STK33: variants seen among roughly 807,000 people sequenced by gnomAD.
STK33 encodes serine/threonine-protein kinase 33.
In STK33, 52 loss-of-function variants were observed where a neutral mutation model predicts 58.0. The observed-to-expected ratio is 0.90, with a 90% confidence interval of 0.72 to 1.13. The LOEUF (loss-of-function observed/expected upper bound fraction) is 1.13, where lower values mean the gene tolerates loss of function less well. Among genes scored for constraint, STK33 ranks in the 50% most tolerant of loss-of-function variants. STK33 has a pLI of 0.00. For synonymous variants in STK33, 215 were observed against 200.1 expected (o/e 1.07, Z -0.63); for missense variants, 630 against 604.2 (o/e 1.04, Z -0.45).
intron 14 of STK33, among the ~76,000 whole-genome samples, chr11:8,426,503 G>A (rs1468828120): frequency 1.3e-5 from 2 of 152,226 alleles, no homozygotes; most frequent in Admixed American, 1.3e-4. Flanking sequence ...TGGGGGTGGA[G>A]CCCTAGCCAG....
At chr11:8,478,217 T>C (rs1949460984) in intron 2 of STK33, among the ~76,000 whole-genome samples, 1 of 152,200 alleles carries the variant, frequency 6.6e-6, no homozygotes, top group Non-Finnish European at 1.5e-5. Context: ...AATCAAGTAT[T>C]GCAAACTTAT....
Position 8,440,735 on chromosome 11 carries a change from G to A in STK33, c.890C>T (p.Ala297Val). ...GTCACACTGCTGGCTATAGTCGTGG[G>A]CACTGATAACTTCAGGGGCTGCCAA... is the stretch of plus-strand genomic sequence containing the variant. ...PIYMAPEVIS[A>V]HDYSQQCDIW... The change falls in exon 12 of 16, where the codon GCC (alanine) becomes GTC (valine). Residue 297 changes from alanine (A) to valine (V), a missense_variant. By Grantham distance (64) the Ala-to-Val change is moderately conservative. Transcript: ENST00000687296. 6.4e-7 allele frequency: 1 copy of A among 1,568,744 alleles called. No homozygotes were observed. The highest frequency in any genetic ancestry group is 8.7e-7 in the Non-Finnish European group (1 of 1,154,740).
In STK33 at chr11:8,435,530, GA is replaced by G; in HGVS notation, c.1109del (p.Ile370ThrfsTer7). ...QLMKVDPAHR[I>X]TAKELLDNQW... The stretch of plus-strand genomic sequence containing the variant: ...GGTTATCTAGTAGTTCCTTAGCTGT[GA>G]TTCTGTGAGCAGGATCTACTTTCAT... On this transcript the variant is annotated frameshift_variant, in exon 14 of 16. Coordinates refer to ENST00000687296, the MANE Select transcript of STK33 (RefSeq NM_001352389.2). LOFTEE classifies it high-confidence loss of function. The G allele has an allele frequency of 1.3e-6, 2 of 1,521,294 alleles. No homozygotes were observed. Among genetic ancestry groups the G allele is most frequent in the Non-Finnish European group, 1.8e-6 (2 of 1,125,880 alleles). 94.2% of individuals were successfully genotyped at this position (1,521,294 alleles called of 1,614,324 possible). A position where few individuals can be genotyped will look rare whatever the true frequency, so the allele number is the denominator to read the frequency against.
At chr11:8,551,459 T>C (rs767346984) in intron 1 of STK33, among the ~76,000 whole-genome samples, 19 of 152,156 alleles carry the variant, frequency 1.2e-4, no homozygotes, top group Admixed American at 8.5e-4. Context: ...AGACATTTCA[T>C]AGATCTTCAA....
intron 1 of STK33, among the ~76,000 whole-genome samples, chr11:8,544,006 A>AT (rs938534720): frequency 1.2e-4 from 19 of 152,104 alleles, no homozygotes; most frequent in African/African-American, 3.6e-4. Flanking sequence ...ATACTAAATG[A>AT]TTTTTTTCCA....
chr11:8,494,185 A>G (rs890873237), intron 1 of STK33, among the ~76,000 whole-genome samples: 7 of 152,250 alleles, frequency 4.6e-5, no homozygotes, highest in Non-Finnish European at 1.0e-4. Flanking sequence ...ACATGATTGT[A>G]TATTTAGAAA....
At chr11:8,550,351 T>C (rs544807104) in intron 1 of STK33, among the ~76,000 whole-genome samples, 1 of 152,240 alleles carries the variant, frequency 6.6e-6, no homozygotes, top group East Asian at 1.9e-4. Context: ...ACTAATATAT[T>C]GGCCAGGCTG....
intron 14 of STK33, among the ~76,000 whole-genome samples, chr11:8,420,479 A>C (rs1001919820): frequency 1.1e-4 from 16 of 152,194 alleles, no homozygotes; most frequent in Non-Finnish European, 2.1e-4. Flanking sequence ...AAGAATTTCT[A>C]GTGAGAGGTA....
At chr11:8,487,329 G>A (rs1240837972) in intron 1 of STK33, among the ~76,000 whole-genome samples, 2 of 151,018 alleles carry the variant, frequency 1.3e-5, no homozygotes, top group Admixed American at 6.6e-5. Context: ...GGCTGACATA[G>A]GAGGATCACC....
intron 1 of STK33, among the ~76,000 whole-genome samples, chr11:8,565,199 C>T (rs11041992): frequency 0.077 from 11,695 of 152,136 alleles, 982 homozygotes; most frequent in African/African-American, 0.21. Context: ...GAGATGGATT[C>T]GCCACCATCT....
the STK33 span, among the ~76,000 whole-genome samples, chr11:8,355,466 G>A: frequency 6.6e-6 from 1 of 152,248 alleles, no homozygotes; most frequent in Non-Finnish European, 1.5e-5. Flanking sequence ...CCACTGGGTC[G>A]CACAACTGGT....
At chr11:8,440,623 C>T (rs1944619705) in intron 12 of STK33, 55 bp downstream of exon 12, 2 of 1,416,846 alleles carry the variant, frequency 1.4e-6, no homozygotes, top group Admixed American at 2.1e-5. Context: ...CTATATCACT[C>T]TACTGTTAGA....
chr11:8,489,863 G>A (rs1049611385), intron 1 of STK33, among the ~76,000 whole-genome samples: 1 of 152,080 alleles, frequency 6.6e-6, no homozygotes, highest in Non-Finnish European at 1.5e-5. Context: ...GCAGGCAGAA[G>A]AAATAGTAAA....
chr11:8,550,856 C>T (rs10840073), intron 1 of STK33, among the ~76,000 whole-genome samples: 10,859 of 152,194 alleles, frequency 0.071, 437 homozygotes, highest in African/African-American at 0.095. Context: ...CTGTTGCAAC[C>T]CCTGCCTATT....
intron 14 of STK33, among the ~76,000 whole-genome samples, chr11:8,430,739 T>C (rs1326523205): frequency 6.6e-6 from 1 of 152,210 alleles, no homozygotes. Flanking sequence ...GCCAGACTGA[T>C]CCTTGTGTCC....
chr11:8,432,546 G>A (rs1019027902), intron 14 of STK33, among the ~76,000 whole-genome samples: 1 of 152,076 alleles, frequency 6.6e-6, no homozygotes, highest in African/African-American at 2.4e-5. Flanking sequence ...AAATGTACAA[G>A]AGAAATAGTT....
chr11:8,553,174 A>ATATATATATATATATATATATATATAGTG (rs1565346821), intron 1 of STK33, among the ~76,000 whole-genome samples: 1 of 67,832 alleles, frequency 1.5e-5, no homozygotes, highest in Non-Finnish European at 2.6e-5. Flanking sequence ...TAAAATATAT[A>ATATATATATATATATATATATATATAGTG]TATATATATA....
At chr11:8,461,990 CCTA>C in intron 7 of STK33, 81 bp from the exon 8 acceptor site, 7 of 1,121,692 alleles carry the variant, frequency 6.2e-6, no homozygotes, top group South Asian at 2.0e-5. Context: ...TTTATGTTTT[CCTA>C]CTTTTTTTCC....
intron 1 of STK33, among the ~76,000 whole-genome samples, chr11:8,567,521 G>T (rs1430531683): frequency 6.6e-6 from 1 of 152,076 alleles, no homozygotes; most frequent in African/African-American, 2.4e-5. Context: ...ATTTCTTTAG[G>T]GATTGGCTAT....
Sources: allele counts gnomAD v4.1 joint callset (sites outside exome capture counted in the v4.1 genomes callset), GRCh38; gene constraint gnomAD v4.1.1; transcripts MANE v1.5; gene names NCBI Gene and HGNC (gene_info 2026-07-23, HGNC 2026-07-21).